Variants in CACNA1H observed in about 807,000 individuals in gnomAD.
CACNA1H encodes voltage-dependent T-type calcium channel subunit alpha-1H.
A neutral mutation model predicts 192.5 loss-of-function variants in CACNA1H; 149 were observed. The observed-to-expected ratio is 0.77, with a 90% CI of 0.68 to 0.89. The LOEUF (loss-of-function observed/expected upper bound fraction) is 0.89. Ranked by LOEUF, CACNA1H falls within the 40% of genes least tolerant of loss-of-function variation. The probability of loss-of-function intolerance (pLI) is 0.00; values close to 1 mark genes in which losing one functional copy is unlikely to be tolerated. For missense variants in CACNA1H, 4,257 were observed against 3,423.5 expected (o/e 1.24, Z -6.08); for synonymous variants, 2,202 against 1,475.2 (o/e 1.49, Z -11.29).
At chr16:1,213,256 T>C (rs765710060) in intron 26 of CACNA1H, among the ~76,000 whole-genome samples, 1 of 152,178 alleles carries the variant, frequency 6.6e-6, no homozygotes, top group African/African-American at 2.4e-5. Context: ...CAGTGAGGCC[T>C]TGTGGGCCCA....
intron 2 of CACNA1H, among the ~76,000 whole-genome samples, chr16:1,177,017 C>T (rs1270443838): frequency 1.3e-5 from 2 of 152,122 alleles, no homozygotes; most frequent in African/African-American, 4.8e-5. Context: ...CAGCCTCACT[C>T]CCTCCCCCCA....
Position 1,208,146 on chromosome 16 carries a change from A to G in CACNA1H, c.3288A>G (p.Ala1096=). ...PTPKSSPFLD[A]APSLPDSRRG... ...CCAAGAGCTCACCATTCCTGGATGC[A>G]GCCCCCAGCCTCCCAGACTCTCGGC... The change falls in exon 16 of 35, where the codon GCA becomes GCG. Residue 1096 remains alanine (A), a synonymous_variant. Transcript: ENST00000348261. 1 of 1,582,384 alleles carries G rather than the reference A, an allele frequency of 6.3e-7. No homozygotes were observed. Among genetic ancestry groups the G allele is most frequent in the Admixed American group, 1.8e-5 (1 of 56,356 alleles).
Position 1,220,489 on chromosome 16 carries a change from AGAT to A in CACNA1H, c.6560_6562del (p.Met2187del), listed in dbSNP as rs1970397155. 2 of 1,544,562 alleles carry A rather than the reference AGAT, an allele frequency of 1.3e-6. No homozygotes were observed. Among genetic ancestry groups the A allele is most frequent in the Middle Eastern group, 3.5e-4 (2 of 5,688 alleles). ...GCTCTGGGTGCGCGCAGAAAGAAGA[AGAT>A]GAGCCCCCCCTGCATCTCGGTGGAA... On this transcript the variant is annotated inframe_deletion, in exon 35 of 35. Coordinates refer to ENST00000348261, the MANE Select transcript of CACNA1H (RefSeq NM_021098.3).
chr16:1,171,403 C>T (rs113071600), intron 2 of CACNA1H, among the ~76,000 whole-genome samples: 2,822 of 152,264 alleles, frequency 0.019, 66 homozygotes, highest in African/African-American at 0.049. Context: ...ACTGGGTTCC[C>T]GGGCAGAGAA....
chr16:1,164,345 C>A (rs1343339767), intron 2 of CACNA1H, among the ~76,000 whole-genome samples: 1 of 152,072 alleles, frequency 6.6e-6, no homozygotes, highest in African/African-American at 2.4e-5. Flanking sequence ...TTTTTCTTTT[C>A]TTTTTTGAGA....
At chr16:1,194,423 C>T (rs981004134) in intron 2 of CACNA1H, among the ~76,000 whole-genome samples, 4 of 152,164 alleles carry the variant, frequency 2.6e-5, no homozygotes, top group African/African-American at 7.2e-5. Context: ...GCCGCGCAGC[C>T]CTGGGACAGG....
In CACNA1H at chr16:1,189,818, C is replaced by T. The variant is rs112514780; in HGVS notation, c.300-5154C>T. 3.7e-3 allele frequency among the ~76,000 whole-genome samples: 570 copies of T among 152,268 alleles called. 3 individuals are homozygous for T. The highest frequency in any genetic ancestry group is 0.016 in the South Asian group (75 of 4,816). Reference sequence around the variant, plus strand: ...GACAGGGCCCCACCACCGAGGGGGTCTTCAGCCCTGTTCCCCTGTTCAGGC... The same window carrying T: ...GACAGGGCCCCACCACCGAGGGGGTTTTCAGCCCTGTTCCCCTGTTCAGGC... On this transcript the variant is annotated intron_variant, in intron 2 of 34. Coordinates refer to ENST00000348261, the MANE Select transcript of CACNA1H (RefSeq NM_021098.3).
At chr16:1,217,313 A>C (rs1430547899) in intron 31 of CACNA1H, among the ~76,000 whole-genome samples, 4 of 152,224 alleles carry the variant, frequency 2.6e-5, no homozygotes, top group Non-Finnish European at 5.9e-5. Flanking sequence ...AGACGTGCAC[A>C]CACAGACATC....
chr16:1,200,280 G>A lies in CACNA1H; in HGVS notation c.828G>A (p.Arg276=), dbSNP rs1395366409. ...FVRNNNLTFL[R]PYYQTEEGEE... is the part of the protein sequence containing the mutation. ...GGAACAACAACCTGACCTTCCTGCG[G>A]CCGTACTACCAGACGGAGGAGGGCG... The change falls in exon 7 of 35, where the codon CGG becomes CGA. Residue 276 remains arginine, a synonymous_variant. Coordinates refer to ENST00000348261, the MANE Select transcript of CACNA1H (RefSeq NM_021098.3). 2 of 1,602,304 alleles carry A rather than the reference G, an allele frequency of 1.2e-6. No homozygotes were observed. Among genetic ancestry groups the A allele is most frequent in the Middle Eastern group, 1.7e-4 (1 of 6,046 alleles).
intron 27 of CACNA1H, among the ~76,000 whole-genome samples, chr16:1,214,388 C>G (rs894012335): frequency 6.6e-6 from 1 of 152,226 alleles, no homozygotes; most frequent in African/African-American, 2.4e-5. Context: ...AGACTCAGCT[C>G]TATGGAAAGC....
chr16:1,189,977 G>T (rs1021484471), intron 2 of CACNA1H, among the ~76,000 whole-genome samples: 1 of 152,252 alleles, frequency 6.6e-6, no homozygotes, highest in East Asian at 1.9e-4. Context: ...CACAACCTTG[G>T]TCTGTCAGAA....
intron 2 of CACNA1H, among the ~76,000 whole-genome samples, chr16:1,171,714 C>T (rs1465242691): frequency 2.0e-5 from 3 of 152,180 alleles, no homozygotes; most frequent in African/African-American, 4.8e-5. Flanking sequence ...AGACCACCAC[C>T]CTCCCTCCCT....
intron 14 of CACNA1H, 90 bp downstream of exon 14, chr16:1,207,520 C>A: frequency 7.3e-7 from 1 of 1,377,912 alleles, no homozygotes; most frequent in Non-Finnish European, 1.0e-6. Flanking sequence ...GGGGGCCTGC[C>A]AAGAGGTGAG....
intron 2 of CACNA1H, 130 bp from the exon 3 acceptor site, chr16:1,194,842 C>G (rs575576998): frequency 4.3e-6 from 3 of 689,958 alleles, no homozygotes; most frequent in East Asian, 2.7e-5. Context: ...CCGAGTCCCC[C>G]ACCCCATCCT....
intron 2 of CACNA1H, among the ~76,000 whole-genome samples, chr16:1,186,718 C>T (rs1030138113): frequency 6.6e-6 from 1 of 152,200 alleles, no homozygotes; most frequent in African/African-American, 2.4e-5. Context: ...GCCTCCTCAA[C>T]GGGTGGCCAC....
Position 1,206,990 on chromosome 16 carries a change from C to A in CACNA1H, c.2790-11C>A. On this transcript the variant is annotated splice_polypyrimidine_tract_variant and intron_variant, in intron 12 of 34. Transcript: ENST00000348261. ...CCTCCACCCTCAACACGCCCCTGCC[C>A]CCACCCTCAGCATCCTGGGCATGCA... 6.4e-7 allele frequency: 1 copy of A among 1,562,382 alleles called. No individual in the cohort carries two copies. Among genetic ancestry groups the A allele is most frequent in the Non-Finnish European group, 8.7e-7 (1 of 1,149,986 alleles).
At position 1,221,409 on chromosome 16, in the gene CACNA1H, C is replaced by A; in HGVS notation, c.*415C>A. On this transcript the variant is annotated 3_prime_UTR_variant, in exon 35 of 35. Transcript: ENST00000348261. ...TGCCGGCGGCAGGTTGCAGCCACCG[C>A]GGCCCAATGTCACCTTCACTCACAG... 3.3e-6 allele frequency: 1 copy of A among 302,720 alleles called. No homozygotes were observed. The highest frequency in any genetic ancestry group is 6.1e-6 in the Non-Finnish European group (1 of 164,056). The allele number at this position is 302,720 out of a possible 1,614,324, so 18.8% of individuals were successfully genotyped here. A position where few individuals can be genotyped will look rare whatever the true frequency, so the allele number is the denominator to read the frequency against.
At chr16:1,202,537 A>C (rs970844476) in intron 9 of CACNA1H, 85 bp downstream of exon 9, 1 of 1,186,406 alleles carries the variant, frequency 8.4e-7, no homozygotes, top group Admixed American at 2.9e-5. Context: ...TCCCACACCC[A>C]TTGTGGGCAC....
chr16:1,165,495 T>A (rs1963668748), intron 2 of CACNA1H, among the ~76,000 whole-genome samples: 1 of 152,128 alleles, frequency 6.6e-6, no homozygotes, highest in Non-Finnish European at 1.5e-5. Context: ...TCCTGCGCAC[T>A]CACAGCCGGG....
Sources: gnomAD v4.1 joint callset for allele counts (sites outside exome capture counted in the v4.1 genomes callset) on GRCh38, gnomAD v4.1.1 for gene constraint, MANE v1.5 for transcripts, NCBI Gene and HGNC (gene_info 2026-07-23, HGNC 2026-07-21) for gene names.